PTGR1: variants seen among roughly 807,000 people sequenced by gnomAD.
The protein encoded by PTGR1 is 15-oxoprostaglandin 13-reductase.
In PTGR1, 23 loss-of-function variants were observed where a neutral mutation model predicts 37.7. That is an observed-to-expected ratio of 0.61 (90% confidence interval 0.44 to 0.86). The LOEUF (loss-of-function observed/expected upper bound fraction) is 0.86, where lower values mean the gene tolerates loss of function less well. Ranked by LOEUF, PTGR1 falls within the 40% of genes least tolerant of loss-of-function variation. The pLI, the probability that PTGR1 is intolerant of heterozygous loss-of-function variation, is 0.00. For synonymous variants in PTGR1, 134 were observed against 140.0 expected (o/e 0.96, Z 0.30); for missense variants, 351 against 394.3 (o/e 0.89, Z 0.93).
chr9:111,598,654 C>A (rs1179995104), intron 1 of PTGR1, among the ~76,000 whole-genome samples: 1 of 152,056 alleles, frequency 6.6e-6, no homozygotes, highest in East Asian at 1.9e-4. Context: ...GCCACCACGC[C>A]CAGCTAATTT....
intron 9 of PTGR1, among the ~76,000 whole-genome samples, chr9:111,552,323 T>C (rs1012412534): frequency 6.6e-6 from 1 of 152,234 alleles, no homozygotes. Flanking sequence ...GTCAACATTC[T>C]ATAGCTTTTG....
intron 9 of PTGR1, among the ~76,000 whole-genome samples, chr9:111,553,231 T>C (rs886151520): frequency 1.1e-4 from 16 of 152,354 alleles, no homozygotes; most frequent in Admixed American, 9.8e-4. Context: ...TCTGCTGCAG[T>C]AAATTGCAAT....
At chr9:111,570,758 G>A in intron 8 of PTGR1, among the ~76,000 whole-genome samples, 1 of 152,114 alleles carries the variant, frequency 6.6e-6, no homozygotes, top group African/African-American at 2.4e-5. Flanking sequence ...CAGTCTGGGT[G>A]ACAGAATGAG....
chr9:111,558,497 G>A (rs747030737), downstream of PTGR1, among the ~76,000 whole-genome samples: 6 of 152,108 alleles, frequency 3.9e-5, no homozygotes, highest in African/African-American at 9.7e-5. Context: ...GGACAACATA[G>A]CAAGAATCCT....
At chr9:111,550,755 GT>G (rs1827917605) in intron 9 of PTGR1, among the ~76,000 whole-genome samples, 1 of 152,074 alleles carries the variant, frequency 6.6e-6, no homozygotes, top group African/African-American at 2.4e-5. Flanking sequence ...TATCTCTGCT[GT>G]CATATTTTTA....
intron 7 of PTGR1, 83 bp downstream of exon 7, chr9:111,578,713 C>T: frequency 7.9e-7 from 1 of 1,267,318 alleles, no homozygotes; most frequent in Non-Finnish European, 1.1e-6. Flanking sequence ...GACCACTAAC[C>T]ATCCATGGCC....
intron 2 of PTGR1, among the ~76,000 whole-genome samples, chr9:111,595,643 A>T (rs906440988): frequency 2.6e-5 from 4 of 151,498 alleles, no homozygotes; most frequent in Admixed American, 6.6e-5. Context: ...TTATTTATTT[A>T]TTTTTTTTGA....
chr9:111,595,016 A>G (rs1438522216), intron 2 of PTGR1, among the ~76,000 whole-genome samples: 1 of 151,522 alleles, frequency 6.6e-6, no homozygotes, highest in African/African-American at 2.4e-5. Flanking sequence ...CACTGCACCC[A>G]GCTAATTTTT....
At chr9:111,578,706 C>A (rs1202897189) in intron 7 of PTGR1, 90 bp downstream of exon 7, 33 of 1,197,744 alleles carry the variant, frequency 2.8e-5, no homozygotes, top group South Asian at 1.7e-5. Context: ...GGCTATGGAC[C>A]ACTAACCATC....
In PTGR1 at chr9:111,571,485, G is replaced by A. The variant is rs141458306; in HGVS notation, c.761-1276C>T. ...TGTGTCTGTGTGTTTTGTGGTTGTC[G>A]TTTTTAATTTGAGACAGGGTCTGGC... On this transcript the variant is annotated intron_variant, in intron 8 of 9. Transcript: ENST00000407693. Among the ~76,000 whole-genome samples, 1,116 of 149,378 alleles carry A rather than the reference G, an allele frequency of 7.5e-3. 33 individuals are homozygous for A. Among genetic ancestry groups the A allele is most frequent in the African/African-American group, 0.026 (1,060 of 41,350 alleles).
chr9:111,552,890 G>A (rs1465936563), intron 9 of PTGR1, among the ~76,000 whole-genome samples: 1 of 152,114 alleles, frequency 6.6e-6, no homozygotes, highest in Admixed American at 6.5e-5. Flanking sequence ...CAGTTTTCAT[G>A]AATGTCTTTT....
chr9:111,581,792 T>C (rs1489316627), intron 6 of PTGR1, among the ~76,000 whole-genome samples: 2 of 152,138 alleles, frequency 1.3e-5, no homozygotes, highest in Non-Finnish European at 2.9e-5. Context: ...TTGAATTCTA[T>C]ATGCATCAAA....
At chr9:111,570,844 C>A (rs760589407) in intron 8 of PTGR1, among the ~76,000 whole-genome samples, 12 of 151,898 alleles carry the variant, frequency 7.9e-5, no homozygotes, top group Non-Finnish European at 1.8e-4. Flanking sequence ...AAGATGGACC[C>A]AATATAACAG....
At position 111,552,038 on chromosome 9, in the gene PTGR1, C is replaced by T. The variant is rs146188866; in HGVS notation, c.880-2239G>A. On this transcript the variant is annotated intron_variant, in intron 9 of 9. Coordinates refer to the PTGR1 transcript ENST00000538962. ...ATTGTAAATAAATTCTTTTACCTGT[C>T]TAGCCAGGTCACAAGTTTTTCCCAT... Among the ~76,000 whole-genome samples, 25 of 152,250 alleles carry T rather than the reference C, an allele frequency of 1.6e-4. No individual in the cohort carries two copies. In the East Asian group the frequency reaches 4.8e-3, roughly 29 times the overall value.
rs113921421 is a variant in PTGR1 at position 111,594,166 on chromosome 9, C to A, written c.152+56G>T. 849 of 1,501,480 alleles carry A rather than the reference C, an allele frequency of 5.7e-4. 4 individuals carry two copies. The African/African-American group carries it at 8.4e-3, about 15-fold the overall frequency. The allele number at this position is 1,501,480 out of a possible 1,614,324, so 93.0% of individuals were successfully genotyped here. ...GTTGGATATTTTAGAAGATGAACTA[C>A]TTCCAGATAGCATTTAACACAGCAT... On this transcript the variant is annotated intron_variant, in intron 3 of 9. Coordinates refer to ENST00000407693, the MANE Select transcript of PTGR1 (RefSeq NM_001146108.2).
Position 111,592,839 on chromosome 9 carries a change from T to G in PTGR1, c.209+87A>C, listed in dbSNP as rs1033244239. On this transcript the variant is annotated intron_variant, in intron 4 of 9. Coordinates refer to ENST00000407693, the MANE Select transcript of PTGR1 (RefSeq NM_001146108.2). Reference sequence around the variant, plus strand: ...AGTCAACAACATAGGCTGAAGAAATTGTAGGAGCAATGGACAGAGACAGGA... The same window carrying G: ...AGTCAACAACATAGGCTGAAGAAATGGTAGGAGCAATGGACAGAGACAGGA... 4 of 1,524,220 alleles carry G rather than the reference T, an allele frequency of 2.6e-6. No homozygotes were observed. In the African/African-American group the frequency reaches 5.6e-5, roughly 21 times the overall value. The allele number at this position is 1,524,220 out of a possible 1,614,324, so 94.4% of individuals were successfully genotyped here.
intron 6 of PTGR1, among the ~76,000 whole-genome samples, chr9:111,581,686 G>C (rs920287271): frequency 6.6e-6 from 1 of 151,910 alleles, no homozygotes; most frequent in Non-Finnish European, 1.5e-5. Flanking sequence ...TGCCCAGACT[G>C]GTCTTGAACT....
intron 6 of PTGR1, among the ~76,000 whole-genome samples, chr9:111,580,050 T>C (rs896690157): frequency 6.6e-6 from 1 of 152,212 alleles, no homozygotes. Context: ...GAAAAAACTA[T>C]TGCAAGAGAG....
At chr9:111,560,738 T>G (rs1828258332), downstream of PTGR1, among the ~76,000 whole-genome samples, 1 of 147,674 alleles carries the variant, frequency 6.8e-6, no homozygotes, top group Non-Finnish European at 1.5e-5. Context: ...GGTCAGGAGT[T>G]CGAGACCAGC....
Sources: allele counts gnomAD v4.1 joint callset (sites outside exome capture counted in the v4.1 genomes callset), GRCh38; gene constraint gnomAD v4.1.1; transcripts MANE v1.5; gene names NCBI Gene and HGNC (gene_info 2026-07-23, HGNC 2026-07-21).